Variants in MTUS2 observed in about 807,000 individuals in gnomAD.
MTUS2 encodes the protein microtubule associated scaffold protein 2, also known as microtubule-associated tumor suppressor candidate 2.
MTUS2 carries 40 observed loss-of-function variants against 114.1 expected under a neutral mutation model. The ratio of observed to expected loss-of-function variants is 0.35; its 90% CI spans 0.27 to 0.46. The LOEUF is 0.46. Ranked by LOEUF, MTUS2 falls within the 20% of genes least tolerant of loss-of-function variation. The probability of loss-of-function intolerance (pLI) is 1.00; values close to 1 mark genes in which losing one functional copy is unlikely to be tolerated. For missense variants in MTUS2, 1,679 were observed against 1,705.4 expected (o/e 0.98, Z 0.27); for synonymous variants, 688 against 672.0 (o/e 1.02, Z -0.37).
At chr13:28,899,700 A>G (rs1566207837) in intron 2 of MTUS2, among the ~76,000 whole-genome samples, 1 of 151,844 alleles carries the variant, frequency 6.6e-6, no homozygotes, top group Non-Finnish European at 1.5e-5. Flanking sequence ...GTGAGCCACC[A>G]TGCCCAGCAC....
At chr13:28,852,532 T>G (rs943455285) in intron 2 of MTUS2, among the ~76,000 whole-genome samples, 1 of 152,162 alleles carries the variant, frequency 6.6e-6, no homozygotes. Flanking sequence ...TAAAAATATA[T>G]TTGTTTCTGA....
intron 6 of MTUS2, among the ~76,000 whole-genome samples, chr13:29,305,184 A>G (rs1899387869): frequency 6.6e-6 from 1 of 152,190 alleles, no homozygotes; most frequent in Non-Finnish European, 1.5e-5. Context: ...TCAAAAAGCT[A>G]GAAAGATTGT....
intron 2 of MTUS2, among the ~76,000 whole-genome samples, chr13:28,909,049 A>C (rs898706293): frequency 6.6e-6 from 1 of 151,332 alleles, no homozygotes; most frequent in East Asian, 1.9e-4. Flanking sequence ...ATTGGTCTAT[A>C]TCTCTGTTTT....
chr13:29,455,868 C>T (rs185327232), intron 9 of MTUS2, among the ~76,000 whole-genome samples: 25 of 152,198 alleles, frequency 1.6e-4, no homozygotes, highest in African/African-American at 5.8e-4. Flanking sequence ...GTAGTCCCAG[C>T]TGCTCAGGAG....
chr13:29,246,603 C>T (rs1026828271), intron 5 of MTUS2, among the ~76,000 whole-genome samples: 1 of 152,342 alleles, frequency 6.6e-6, no homozygotes, highest in Non-Finnish European at 1.5e-5. Context: ...GGCTTCTTTT[C>T]TCCCAAGATG....
intron 5 of MTUS2, among the ~76,000 whole-genome samples, chr13:29,201,852 A>G (rs549748446): frequency 9.9e-5 from 15 of 152,224 alleles, no homozygotes; most frequent in Middle Eastern, 3.4e-3. Context: ...TCTGGCTTGT[A>G]TGGTTTCTGC....
chr13:28,933,659 T>C (rs912990310), intron 2 of MTUS2, among the ~76,000 whole-genome samples: 1 of 152,236 alleles, frequency 6.6e-6, no homozygotes, highest in African/African-American at 2.4e-5. Context: ...CTTGTGGGGC[T>C]TAGCGTCCAG....
At chr13:28,854,382 T>A (rs1156688820) in intron 2 of MTUS2, among the ~76,000 whole-genome samples, 1 of 152,230 alleles carries the variant, frequency 6.6e-6, no homozygotes, top group Non-Finnish European at 1.5e-5. Context: ...CTTAATGACC[T>A]GCTGAGATTC....
chr13:29,375,115 CG>C (rs1177974639), intron 8 of MTUS2, among the ~76,000 whole-genome samples: 2 of 152,008 alleles, frequency 1.3e-5, no homozygotes, highest in African/African-American at 4.8e-5. Context: ...CAAAAGTAAT[CG>C]TGGTTTTTGC....
intron 2 of MTUS2, among the ~76,000 whole-genome samples, chr13:29,009,778 A>G (rs1434795599): frequency 6.6e-6 from 1 of 152,098 alleles, no homozygotes; most frequent in Non-Finnish European, 1.5e-5. Context: ...TTTCATTTCA[A>G]GTCTTTCTTA....
At position 29,390,813 on chromosome 13, in the gene MTUS2, C is replaced by T. The variant is rs1338874841; in HGVS notation, c.3117+31340C>T. ...GATGATGATGATTGAGATGTAGTGT[C>T]GCTCTGTCACCCAGGCTGGAGTGCA... On this transcript the variant is annotated intron_variant, in intron 8 of 15. Transcript: ENST00000612955. Among the ~76,000 whole-genome samples, 9 of 151,168 alleles carry T rather than the reference C, an allele frequency of 6.0e-5. No homozygotes were observed. In the South Asian group the frequency reaches 6.3e-4, roughly 11 times the overall value.
chr13:29,255,362 C>T (rs914195855), intron 5 of MTUS2, among the ~76,000 whole-genome samples: 10 of 152,158 alleles, frequency 6.6e-5, no homozygotes, highest in Non-Finnish European at 1.2e-4. Flanking sequence ...CAGCCCCCTC[C>T]GGTCCATCTG....
intron 4 of MTUS2, among the ~76,000 whole-genome samples, chr13:29,084,472 G>A (rs1889581687): frequency 6.6e-6 from 1 of 151,874 alleles, no homozygotes; most frequent in Admixed American, 6.6e-5. Context: ...GTCAGGGTTA[G>A]GGGCTCCTCC....
Position 29,199,528 on chromosome 13 carries a change from C to T in MTUS2, c.2645-82176C>T, listed in dbSNP as rs533165666. The stretch of plus-strand genomic sequence containing the variant: ...CATATGTTGAACCAGCCTTGCATCC[C>T]AGGGATAAAGCCGAGTTGATCATGG... On this transcript the variant is annotated intron_variant, in intron 5 of 15. Transcript: ENST00000612955. Among the ~76,000 whole-genome samples the T allele has an allele frequency of 5.5e-4, 83 of 152,248 alleles. No homozygotes were observed. The South Asian group carries it at 0.017, about 32-fold the overall frequency.
intron 8 of MTUS2, among the ~76,000 whole-genome samples, chr13:29,388,263 C>T (rs545063474): frequency 7.9e-5 from 12 of 152,168 alleles, no homozygotes; most frequent in African/African-American, 2.7e-4. Flanking sequence ...CTAATATCAC[C>T]AGTGGGAAAA....
intron 12 of MTUS2, among the ~76,000 whole-genome samples, chr13:29,494,051 C>T (rs966909131): frequency 2.0e-5 from 3 of 152,164 alleles, no homozygotes; most frequent in African/African-American, 7.2e-5. Context: ...TTTAAATCCC[C>T]GCTGCACTAG....
intron 2 of MTUS2, among the ~76,000 whole-genome samples, chr13:28,898,734 A>C (rs959254177): frequency 1.3e-5 from 2 of 152,214 alleles, no homozygotes; most frequent in Admixed American, 1.3e-4. Flanking sequence ...GCAAAATAGA[A>C]ATCATTGTGG....
At chr13:29,182,945 G>A (rs56332852) in intron 5 of MTUS2, among the ~76,000 whole-genome samples, 80,121 of 151,948 alleles carry the variant, frequency 0.53, 21,552 homozygotes, top group Non-Finnish European at 0.56. Context: ...AGAGTAGCAG[G>A]AGATGAGTTG....
intron 2 of MTUS2, among the ~76,000 whole-genome samples, chr13:28,928,124 C>A (rs1015235657): frequency 6.6e-6 from 1 of 152,020 alleles, no homozygotes; most frequent in Non-Finnish European, 1.5e-5. Context: ...AGACTTAAAT[C>A]TAAGACCTGA....
Sources: gnomAD v4.1 joint callset for allele counts (sites outside exome capture counted in the v4.1 genomes callset) on GRCh38, gnomAD v4.1.1 for gene constraint, MANE v1.5 for transcripts, NCBI Gene and HGNC (gene_info 2026-07-23, HGNC 2026-07-21) for gene names.